Variants in SEMA6D observed in about 807,000 individuals in gnomAD.
SEMA6D encodes the protein semaphorin-6D.
In SEMA6D, 35 loss-of-function variants were observed where a neutral mutation model predicts 106.6. That is an observed-to-expected ratio of 0.33 (90% confidence interval 0.25 to 0.44). The LOEUF is 0.44. Ranked by LOEUF, SEMA6D falls within the 20% of genes least tolerant of loss-of-function variation. SEMA6D has a pLI of 1.00. For synonymous variants in SEMA6D, 499 were observed against 487.7 expected (o/e 1.02, Z -0.31); for missense variants, 1,185 against 1,345.9 (o/e 0.88, Z 1.87).
intron 3 of SEMA6D, among the ~76,000 whole-genome samples, chr15:47,594,410 A>G (rs976516742): frequency 6.6e-6 from 1 of 152,222 alleles, no homozygotes; most frequent in Non-Finnish European, 1.5e-5. Context: ...AACAACTAAG[A>G]CACCTCCATG....
At chr15:47,572,502 T>G (rs1266183778) in intron 3 of SEMA6D, among the ~76,000 whole-genome samples, 1 of 152,188 alleles carries the variant, frequency 6.6e-6, no homozygotes, top group East Asian at 1.9e-4. Context: ...CCCTGGCCCT[T>G]CCTTTATGGG....
At chr15:47,458,746 T>C (rs2042415710) in intron 2 of SEMA6D, among the ~76,000 whole-genome samples, 1 of 152,008 alleles carries the variant, frequency 6.6e-6, no homozygotes, top group Non-Finnish European at 1.5e-5. Flanking sequence ...CTAAACACCT[T>C]TTTTTAGGAA....
intron 3 of SEMA6D, among the ~76,000 whole-genome samples, chr15:47,540,058 G>A (rs1296422078): frequency 6.6e-6 from 1 of 152,038 alleles, no homozygotes; most frequent in African/African-American, 2.4e-5. Flanking sequence ...GTGTGTGTGT[G>A]TGTTTGTGTG....
intron 9 of SEMA6D, among the ~76,000 whole-genome samples, 172 bp from the exon 10 acceptor site, chr15:47,763,678 G>C (rs894009285): frequency 1.1e-4 from 16 of 152,128 alleles, no homozygotes; most frequent in African/African-American, 3.9e-4. Flanking sequence ...TTTCCCCACA[G>C]GTGAATCTAG....
intron 1 of SEMA6D, among the ~76,000 whole-genome samples, chr15:47,283,182 C>T (rs2035209066): frequency 6.6e-6 from 1 of 152,038 alleles, no homozygotes; most frequent in South Asian, 2.1e-4. Flanking sequence ...TTTTTAAATT[C>T]CTAAGCCCTC....
At chr15:47,536,418 G>T (rs1314842691) in intron 3 of SEMA6D, among the ~76,000 whole-genome samples, 1 of 152,130 alleles carries the variant, frequency 6.6e-6, no homozygotes, top group Non-Finnish European at 1.5e-5. Flanking sequence ...TTCTTATTGG[G>T]GACACAATGA....
chr15:47,385,313 T>G (rs1265143573), intron 1 of SEMA6D, among the ~76,000 whole-genome samples: 1 of 152,154 alleles, frequency 6.6e-6, no homozygotes, highest in African/African-American at 2.4e-5. Context: ...TCAAGACACA[T>G]GAATATACAT....
Position 47,400,604 on chromosome 15 carries a change from C to T in SEMA6D, c.-238-11789C>T, listed in dbSNP as rs116390139. 1.0e-3 allele frequency among the ~76,000 whole-genome samples: 157 copies of T among 151,968 alleles called. 1 individual carries two copies. Among genetic ancestry groups the T allele is most frequent in the African/African-American group, 3.7e-3 (155 of 41,456 alleles). On this transcript the variant is annotated intron_variant, in intron 1 of 19. Coordinates refer to the SEMA6D transcript ENST00000558014. ...AGCTGACATTTATAAGGACCTAATACAAAGTGAGAGATTATTACAGGCTGA... is the reference window on the plus strand; with the variant it reads ...AGCTGACATTTATAAGGACCTAATATAAAGTGAGAGATTATTACAGGCTGA...
chr15:47,604,416 G>A (rs2076731554), intron 4 of SEMA6D, among the ~76,000 whole-genome samples: 1 of 152,080 alleles, frequency 6.6e-6, no homozygotes, highest in African/African-American at 2.4e-5. Flanking sequence ...ATTTCTTAGG[G>A]GTAGAAGTGG....
intron 4 of SEMA6D, among the ~76,000 whole-genome samples, chr15:47,639,874 C>T (rs2077457126): frequency 6.6e-6 from 1 of 152,084 alleles, no homozygotes; most frequent in African/African-American, 2.4e-5. Flanking sequence ...CTGTCACAGC[C>T]AACAGGAGCC....
At chr15:47,282,413 A>G (rs1246872728) in intron 1 of SEMA6D, among the ~76,000 whole-genome samples, 1 of 152,152 alleles carries the variant, frequency 6.6e-6, no homozygotes, top group Non-Finnish European at 1.5e-5. Flanking sequence ...GGGAGAATAA[A>G]TACTCACAGT....
chr15:47,716,538 G>A (rs1258667305), upstream of SEMA6D, among the ~76,000 whole-genome samples: 1 of 152,018 alleles, frequency 6.6e-6, no homozygotes, highest in African/African-American at 2.4e-5. Context: ...TTTAAACAGG[G>A]GCATCATGGT....
chr15:47,730,099 T>G, intron 1 of SEMA6D: 4 of 796,350 alleles, frequency 5.0e-6, no homozygotes, highest in South Asian at 1.7e-5. Context: ...AAATTTATAT[T>G]ATTTTAATTA....
At chr15:47,420,587 C>A (rs2041121316) in intron 2 of SEMA6D, among the ~76,000 whole-genome samples, 1 of 152,100 alleles carries the variant, frequency 6.6e-6, no homozygotes, top group Non-Finnish European at 1.5e-5. Context: ...GTGGCCCTCT[C>A]CATTGTTTGT....
chr15:47,508,980 A>G (rs903803413), intron 3 of SEMA6D, among the ~76,000 whole-genome samples: 9 of 152,010 alleles, frequency 5.9e-5, no homozygotes, highest in Non-Finnish European at 1.3e-4. Context: ...ACTGAAACTC[A>G]GTATTTTTTT....
intron 3 of SEMA6D, among the ~76,000 whole-genome samples, chr15:47,488,728 GTGTGAA>G (rs753567383): frequency 3.3e-5 from 5 of 152,136 alleles, no homozygotes; most frequent in African/African-American, 7.2e-5. Context: ...AAGACACTGA[GTGTGAA>G]TGAGCAGGGC....
chr15:47,771,919 C>T lies in SEMA6D; in HGVS notation c.*134C>T. On this transcript the variant is annotated 3_prime_UTR_variant, in exon 19 of 19. Coordinates refer to ENST00000536845, the MANE Select transcript of SEMA6D (RefSeq NM_001358351.3). ...AAGTGGCCAAAGAAACTCTTTCTAACTTTGGCAACATCAGAACTTGCCACA... is the reference window on the plus strand; with the variant it reads ...AAGTGGCCAAAGAAACTCTTTCTAATTTTGGCAACATCAGAACTTGCCACA... 1 of 950,978 alleles carries T rather than the reference C, an allele frequency of 1.1e-6. No individual in the cohort carries two copies. Among genetic ancestry groups the T allele is most frequent in the Non-Finnish European group, 1.6e-6 (1 of 634,612 alleles). The allele number at this position is 950,978 out of a possible 1,614,324, so 58.9% of individuals were successfully genotyped here.
intron 1 of SEMA6D, among the ~76,000 whole-genome samples, chr15:47,757,534 A>G (rs1046265822): frequency 2.0e-5 from 3 of 152,238 alleles, no homozygotes; most frequent in South Asian, 2.1e-4. Context: ...TGTCAGCACA[A>G]TGGAAACCAT....
intron 3 of SEMA6D, among the ~76,000 whole-genome samples, chr15:47,558,541 G>A (rs2045980994): frequency 6.6e-6 from 1 of 151,962 alleles, no homozygotes; most frequent in Non-Finnish European, 1.5e-5. Context: ...TAGACAAGCA[G>A]AGACTTGCAC....
Sources: gnomAD v4.1 joint callset for allele counts (sites outside exome capture counted in the v4.1 genomes callset) on GRCh38, gnomAD v4.1.1 for gene constraint, MANE v1.5 for transcripts, NCBI Gene and HGNC (gene_info 2026-07-23, HGNC 2026-07-21) for gene names.